PRIM2: variants seen among roughly 807,000 people sequenced by gnomAD.
PRIM2 encodes DNA primase large subunit.
PRIM2 carries 39 observed loss-of-function variants against 67.3 expected under a neutral mutation model. That is an observed-to-expected ratio of 0.58 (90% CI 0.45 to 0.76). PRIM2 has a LOEUF of 0.76. PRIM2 is among the 30% of genes least tolerant of loss of function. The pLI is 0.00. For missense variants in PRIM2, 398 were observed against 598.7 expected, an observed-to-expected ratio of 0.66 and a Z score of 3.50; for synonymous variants, 143 against 198.7, an observed-to-expected ratio of 0.72 and a Z score of 2.36.
At chr6:57,310,792 G>A (rs1767366928), upstream of PRIM2, among the ~76,000 whole-genome samples, 1 of 150,506 alleles carries the variant, frequency 6.6e-6, no homozygotes. Context: ...AGAGCGGCCA[G>A]GCAGAGGCGC....
At chr6:57,358,607 A>T (rs994333750) in intron 5 of PRIM2, among the ~76,000 whole-genome samples, 6 of 152,222 alleles carry the variant, frequency 3.9e-5, no homozygotes, top group African/African-American at 1.4e-4. Flanking sequence ...TATTCAATGT[A>T]ATTGAAGTTA....
intron 7 of PRIM2, among the ~76,000 whole-genome samples, chr6:57,446,418 C>CTTCTTTTTTTTTTTTTTTTT (rs1772366659): frequency 1.2e-5 from 1 of 83,814 alleles, no homozygotes; most frequent in African/African-American, 4.9e-5. Context: ...CACGCCACTT[C>CTTCTTTTTTTTTTTTTTTTT]TTTTTTTTTT....
upstream of PRIM2, among the ~76,000 whole-genome samples, chr6:57,310,248 T>C (rs563869823): frequency 1.1e-3 from 171 of 152,244 alleles, no homozygotes; most frequent in Non-Finnish European, 2.1e-3. Context: ...AATGTGGTGA[T>C]GACTCTTAAC....
intron 7 of PRIM2, among the ~76,000 whole-genome samples, chr6:57,453,218 A>G (rs201466393): frequency 1.3e-5 from 2 of 152,284 alleles, no homozygotes; most frequent in South Asian, 2.1e-4. Context: ...GTCAGGCAGC[A>G]TGATGCCTCC....
intron 13 of PRIM2, among the ~76,000 whole-genome samples, chr6:57,634,415 A>C (rs1383521704): frequency 1.3e-5 from 2 of 152,264 alleles, no homozygotes; most frequent in Non-Finnish European, 1.5e-5. Flanking sequence ...CATCAAGAAA[A>C]TAGCAACAAC....
intron 7 of PRIM2, among the ~76,000 whole-genome samples, chr6:57,421,520 C>G (rs1429678009): frequency 2.6e-5 from 4 of 152,172 alleles, no homozygotes; most frequent in Admixed American, 6.5e-5. Context: ...AAGCTGTAAG[C>G]AAATGTTAGA....
the PRIM2 span, among the ~76,000 whole-genome samples, chr6:57,226,949 T>C: frequency 6.6e-6 from 1 of 152,218 alleles, no homozygotes; most frequent in South Asian, 2.1e-4. Context: ...GAATAATCTG[T>C]TCATTCTAAA....
chr6:57,496,791 A>G (rs1274849439), intron 7 of PRIM2, among the ~76,000 whole-genome samples: 1 of 152,176 alleles, frequency 6.6e-6, no homozygotes, highest in African/African-American at 2.4e-5. Flanking sequence ...AAATCTAGGA[A>G]TTTAAATGGT....
At chr6:57,430,883 T>TGTTGACTTCAGGC (rs1490196166) in intron 7 of PRIM2, among the ~76,000 whole-genome samples, 1 of 152,230 alleles carries the variant, frequency 6.6e-6, no homozygotes, top group Non-Finnish European at 1.5e-5. Context: ...GTGTATCCTC[T>TGTTGACTTCAGGC]GTTGACTTCA....
At chr6:57,293,987 A>T in the PRIM2 span, among the ~76,000 whole-genome samples, 2 of 152,176 alleles carry the variant, frequency 1.3e-5, no homozygotes, top group Admixed American at 1.3e-4. Flanking sequence ...GAAAAAAGGT[A>T]TTCCTTGCAA....
intron 7 of PRIM2, among the ~76,000 whole-genome samples, chr6:57,457,279 G>C (rs1249086324): frequency 1.3e-5 from 2 of 152,194 alleles, no homozygotes; most frequent in African/African-American, 4.8e-5. Context: ...CAGATCTCCA[G>C]CTGCGTGCTG....
At chr6:57,345,930 C>T (rs74193751) in intron 5 of PRIM2, among the ~76,000 whole-genome samples, 1 of 152,124 alleles carries the variant, frequency 6.6e-6, no homozygotes, top group African/African-American at 2.4e-5. Context: ...GTTGCCATGG[C>T]ATTTGTAAAC....
chr6:57,281,249 T>C, the PRIM2 span, among the ~76,000 whole-genome samples: 1 of 152,240 alleles, frequency 6.6e-6, no homozygotes, highest in Non-Finnish European at 1.5e-5. Flanking sequence ...TGAATAGTGA[T>C]GCAATAAACA....
chr6:57,465,085 T>A (rs1330344275), intron 7 of PRIM2, among the ~76,000 whole-genome samples: 1 of 152,178 alleles, frequency 6.6e-6, no homozygotes, highest in African/African-American at 2.4e-5. Context: ...CAATGTAATT[T>A]CATGTAGGTC....
At chr6:57,617,687 TCTC>T (rs1776779190) in intron 12 of PRIM2, among the ~76,000 whole-genome samples, 3 of 152,334 alleles carry the variant, frequency 2.0e-5, no homozygotes, top group South Asian at 4.1e-4. Context: ...GCAAATATGT[TCTC>T]CTATTCTGTA....
At chr6:57,456,319 T>A (rs1772778524) in intron 7 of PRIM2, among the ~76,000 whole-genome samples, 1 of 152,212 alleles carries the variant, frequency 6.6e-6, no homozygotes, top group African/African-American at 2.4e-5. Flanking sequence ...TTTCCTGAAT[T>A]TGAATGTTGG....
chr6:57,370,717 T>G (rs530892696), intron 5 of PRIM2, among the ~76,000 whole-genome samples: 65 of 138,832 alleles, frequency 4.7e-4, no homozygotes, highest in African/African-American at 1.7e-3. Flanking sequence ...TTTTTTGAGA[T>G]GGAGTCTCAC....
intron 7 of PRIM2, among the ~76,000 whole-genome samples, chr6:57,484,164 G>A (rs1224469963): frequency 6.6e-6 from 1 of 152,168 alleles, no homozygotes; most frequent in African/African-American, 2.4e-5. Flanking sequence ...CACAAATAGT[G>A]TTTCGACCTG....
chr6:57,340,374 A>G (rs12182463), intron 5 of PRIM2, among the ~76,000 whole-genome samples: 19,262 of 152,066 alleles, frequency 0.13, 1,360 homozygotes, highest in African/African-American at 0.18. Flanking sequence ...CCAAAGGACT[A>G]TAAATCATGC....
Sources: gnomAD v4.1 joint callset for allele counts (sites outside exome capture counted in the v4.1 genomes callset) on GRCh38, gnomAD v4.1.1 for gene constraint, MANE v1.5 for transcripts, NCBI Gene and HGNC (gene_info 2026-07-23, HGNC 2026-07-21) for gene names.